Variants in KATNAL2 observed in about 807,000 individuals in gnomAD.
The protein encoded by KATNAL2 is katanin p60 ATPase-containing subunit A-like 2.
Under a neutral mutation model 76.3 loss-of-function variants are expected in KATNAL2, and 52 were observed. The ratio of observed to expected loss-of-function variants is 0.68; its 90% CI spans 0.55 to 0.86. The LOEUF is 0.86. KATNAL2 is among the 40% of genes least tolerant of loss of function. The pLI is 0.00. For missense variants in KATNAL2, 660 were observed against 668.9 expected (o/e 0.99, Z 0.15); for synonymous variants, 243 against 244.2 (o/e 1.00, Z 0.05).
chr18:46,949,427 A>AT (rs1397783967), intron 3 of KATNAL2, among the ~76,000 whole-genome samples: 1 of 151,960 alleles, frequency 6.6e-6, no homozygotes, highest in Non-Finnish European at 1.5e-5. Flanking sequence ...TAAATTTTGT[A>AT]TTTTTTGTAG....
In KATNAL2 at chr18:47,055,244, C is replaced by T. The variant is rs554116185; in HGVS notation, c.332+806C>T. On this transcript the variant is annotated intron_variant, in intron 6 of 17. Transcript: ENST00000683218. Reference sequence around the variant, plus strand: ...AGGGCCAGCTCTGGGGCATCGCAACCTGTGGGCTGTTGCTATTACAGTAGG... The same window carrying T: ...AGGGCCAGCTCTGGGGCATCGCAACTTGTGGGCTGTTGCTATTACAGTAGG... Among the ~76,000 whole-genome samples, 3 of 152,290 alleles carry T rather than the reference C, an allele frequency of 2.0e-5. No homozygotes were observed. The East Asian group carries it at 5.8e-4, about 29-fold the overall frequency.
intron 15 of KATNAL2, among the ~76,000 whole-genome samples, chr18:47,090,591 A>G (rs2062957403): frequency 6.6e-6 from 1 of 152,212 alleles, no homozygotes; most frequent in Non-Finnish European, 1.5e-5. Context: ...ATTGGTACAG[A>G]CAATAATAAG....
intron 13 of KATNAL2, among the ~76,000 whole-genome samples, chr18:47,070,104 T>TTTC (rs1397201398): frequency 6.7e-6 from 1 of 150,132 alleles, no homozygotes; most frequent in Non-Finnish European, 1.5e-5. Flanking sequence ...TTTCTTTTTT[T>TTTC]TTTTTTTTTT....
chr18:47,058,571 T>C (rs2147127452), intron 7 of KATNAL2, among the ~76,000 whole-genome samples: 1 of 152,370 alleles, frequency 6.6e-6, no homozygotes, highest in African/African-American at 2.4e-5. Flanking sequence ...GACTTTTTTC[T>C]CCTCCAAGTT....
intron 3 of KATNAL2, among the ~76,000 whole-genome samples, chr18:46,956,686 C>T (rs1001862010): frequency 1.3e-5 from 2 of 152,184 alleles, no homozygotes; most frequent in African/African-American, 4.8e-5. Context: ...GCAAATTGAT[C>T]TTGCTTTTGC....
At chr18:47,033,452 TC>T in intron 3 of KATNAL2, 1 of 1,613,964 alleles carries the variant, frequency 6.2e-7, no homozygotes, top group Non-Finnish European at 8.5e-7. Context: ...TACTGCTCCC[TC>T]CAAGTTTTGT....
At chr18:47,069,127 G>T in intron 11 of KATNAL2, 93 bp from the exon 12 acceptor site, 1 of 880,492 alleles carries the variant, frequency 1.1e-6, no homozygotes, top group Non-Finnish European at 1.8e-6. Context: ...GAGCTGTGCT[G>T]CTTTGACTTC....
chr18:46,954,665 A>C (rs1266550983), intron 3 of KATNAL2, among the ~76,000 whole-genome samples: 1 of 149,708 alleles, frequency 6.7e-6, no homozygotes, highest in Non-Finnish European at 1.5e-5. Flanking sequence ...GAGACAAAAG[A>C]AGTCTGACTT....
intron 1 of KATNAL2, among the ~76,000 whole-genome samples, chr18:46,930,018 G>T (rs116043119): frequency 6.6e-6 from 1 of 152,006 alleles, no homozygotes; most frequent in East Asian, 2.0e-4. Flanking sequence ...CAGGTGATCC[G>T]CCCTCGTCGA....
At chr18:46,958,473 A>G (rs1569021477) in intron 3 of KATNAL2, among the ~76,000 whole-genome samples, 1 of 152,202 alleles carries the variant, frequency 6.6e-6, no homozygotes, top group Non-Finnish European at 1.5e-5. Context: ...ACACATGTGC[A>G]TGCGTGTGCG....
At chr18:46,943,562 A>G (rs1291185015) in intron 1 of KATNAL2, among the ~76,000 whole-genome samples, 1 of 152,202 alleles carries the variant, frequency 6.6e-6, no homozygotes, top group Non-Finnish European at 1.5e-5. Flanking sequence ...AAGTTACCCA[A>G]TATGGTCTAA....
chr18:47,086,467 C>G (rs1007543799), intron 15 of KATNAL2, among the ~76,000 whole-genome samples: 19 of 152,302 alleles, frequency 1.2e-4, no homozygotes, highest in South Asian at 4.1e-4. Flanking sequence ...AGACACCCAC[C>G]ACCATGCCCA....
intron 1 of KATNAL2, among the ~76,000 whole-genome samples, chr18:46,939,116 C>A (rs926790438): frequency 1.3e-5 from 2 of 151,984 alleles, no homozygotes; most frequent in African/African-American, 4.8e-5. Context: ...CCGAGGCGGG[C>A]AGATCACAAG....
At chr18:47,100,388 G>A (rs780803984) in intron 17 of KATNAL2, 32 bp downstream of exon 17, 4 of 1,555,950 alleles carry the variant, frequency 2.6e-6, no homozygotes, top group Non-Finnish European at 2.7e-6. Flanking sequence ...AGGTGTTCCA[G>A]GAATTTGTGT....
In KATNAL2 at chr18:47,034,455, A is replaced by T. The variant is rs200106579; in HGVS notation, c.52-12002A>T. ...AGTCCGAAGGCTGCCTGTCCCTGGC[A>T]CTTGCCCAGGAGGGCATCCTTGGGG... is the stretch of plus-strand genomic sequence containing the variant. On this transcript the variant is annotated intron_variant, in intron 3 of 17. Coordinates refer to ENST00000683218, the MANE Select transcript of KATNAL2 (RefSeq NM_001387690.1). The T allele has an allele frequency of 6.8e-6, 11 of 1,614,172 alleles. No homozygotes were observed. The East Asian group carries it at 2.5e-4, about 36-fold the overall frequency.
intron 8 of KATNAL2, among the ~76,000 whole-genome samples, chr18:47,062,020 C>A (rs1404303664): frequency 1.3e-5 from 2 of 152,056 alleles, no homozygotes; most frequent in African/African-American, 4.8e-5. Flanking sequence ...ATTACTTAAC[C>A]TCTCTGGACT....
intron 3 of KATNAL2, among the ~76,000 whole-genome samples, chr18:47,044,484 T>C (rs377571687): frequency 6.6e-6 from 1 of 152,120 alleles, no homozygotes; most frequent in East Asian, 1.9e-4. Context: ...GATGGCCAGG[T>C]GCGGTGGCTC....
At chr18:46,949,537 G>A (rs761847878) in intron 3 of KATNAL2, among the ~76,000 whole-genome samples, 12 of 152,200 alleles carry the variant, frequency 7.9e-5, no homozygotes, top group Non-Finnish European at 1.6e-4. Context: ...GTGAGCCTTC[G>A]TGTCTGGCTT....
chr18:46,928,511 A>T (rs2058803873), intron 1 of KATNAL2, among the ~76,000 whole-genome samples: 1 of 152,030 alleles, frequency 6.6e-6, no homozygotes, highest in African/African-American at 2.4e-5. Flanking sequence ...GGTGCCTGCC[A>T]GTTAGGCTAC....
Sources: gnomAD v4.1 joint callset for allele counts (sites outside exome capture counted in the v4.1 genomes callset) on GRCh38, gnomAD v4.1.1 for gene constraint, MANE v1.5 for transcripts, NCBI Gene and HGNC (gene_info 2026-07-23, HGNC 2026-07-21) for gene names.